CNTN2: variants seen among roughly 807,000 people sequenced by gnomAD.
CNTN2 encodes contactin 2.
CNTN2 carries 53 observed loss-of-function variants against 117.5 expected under a neutral mutation model. That is an observed-to-expected ratio of 0.45 (90% CI 0.36 to 0.57). The LOEUF is 0.57. CNTN2 is among the 20% of genes least tolerant of loss of function. The pLI is 0.00. For missense variants in CNTN2, 1,106 were observed against 1,404.3 expected, an observed-to-expected ratio of 0.79 and a Z score of 3.39; for synonymous variants, 530 against 561.7, an observed-to-expected ratio of 0.94 and a Z score of 0.80.
chr1:205,057,593 A>T, intron 2 of CNTN2: 1 of 200,908 alleles, frequency 5.0e-6, no homozygotes, highest in Non-Finnish European at 9.9e-6. Context: ...TCTCTAGCCC[A>T]GTGCTGGGTA....
chr1:205,066,338 C>T lies in CNTN2; in HGVS notation c.1817-103C>T. On this transcript the variant is annotated intron_variant, in intron 14 of 22. Coordinates refer to ENST00000331830, the MANE Select transcript of CNTN2 (RefSeq NM_005076.5). ...TGTGTGTTCACTGCATCCTCTGCTG[C>T]CCTGTCTTGGTACTGTACCAGCTCA... 4 of 1,388,004 alleles carry T rather than the reference C, an allele frequency of 2.9e-6. No individual in the cohort carries two copies. The Admixed American group carries it at 6.0e-5, about 21-fold the overall frequency. 86.0% of individuals were successfully genotyped at this position (1,388,004 alleles called of 1,614,324 possible).
At chr1:205,046,562 G>A (rs1360157218) in intron 1 of CNTN2, among the ~76,000 whole-genome samples, 1 of 152,182 alleles carries the variant, frequency 6.6e-6, no homozygotes, top group Non-Finnish European at 1.5e-5. Context: ...ACTAGCTTGA[G>A]AGGAGGAGCA....
chr1:205,061,059 C>CGG lies in CNTN2; in HGVS notation c.798-186_798-185insGG. 1 of 621,886 alleles carries CGG rather than the reference C, an allele frequency of 1.6e-6. No individual in the cohort carries two copies. Among genetic ancestry groups the CGG allele is most frequent in the Non-Finnish European group, 2.7e-6 (1 of 366,822 alleles). 38.5% of individuals were successfully genotyped at this position (621,886 alleles called of 1,614,324 possible). Reference sequence around the variant, plus strand: ...AGCAGCCCTGCCTCTTGCCCCTTCCCTGCGTGTGCTCCGAGCCTACCTGGG... The same window carrying CGG: ...AGCAGCCCTGCCTCTTGCCCCTTCCCGGTGCGTGTGCTCCGAGCCTACCTGGG... On this transcript the variant is annotated intron_variant, in intron 7 of 22. Coordinates refer to ENST00000331830, the MANE Select transcript of CNTN2 (RefSeq NM_005076.5). The surrounding 1 kb of genome is among the most constrained non-coding windows in gnomAD (Gnocchi z 4.8).
chr1:205,062,534 G>C lies in CNTN2; in HGVS notation c.1205G>C (p.Gly402Ala), dbSNP rs1268010229. ...CAGTGTGTGGCAGAGAATAAGCACG[G>C]TACCATCTACGCCAGCGCCGAGCTA... Reference protein sequence around the residue: ...MYQCVAENKHGTIYASAELAV... With the variant: ...MYQCVAENKHATIYASAELAV... Residue 402 changes from glycine (G) to alanine (A), a missense_variant, in exon 10 of 23, where the codon GGT becomes GCT. Gly to Ala is a moderately conservative substitution (Grantham distance 60). Coordinates refer to ENST00000331830, the MANE Select transcript of CNTN2 (RefSeq NM_005076.5). 1 of 1,613,912 alleles carries C rather than the reference G, an allele frequency of 6.2e-7. No homozygotes were observed. Among genetic ancestry groups the C allele is most frequent in the African/African-American group, 1.3e-5 (1 of 74,914 alleles).
chr1:205,065,669 G>A lies in CNTN2; in HGVS notation c.1696-120G>A. On this transcript the variant is annotated intron_variant, in intron 13 of 22. Transcript: ENST00000331830. This position sits in a 1 kb window ranked among gnomAD's most constrained non-coding sequence, Gnocchi z 4.1. Reference sequence around the variant, plus strand: ...GAGCAGACAGGAAAACTGAGATCCAGTGGGGTCCATGGATGTCATGGAGTA... The same window carrying A: ...GAGCAGACAGGAAAACTGAGATCCAATGGGGTCCATGGATGTCATGGAGTA... 2 of 1,153,508 alleles carry A rather than the reference G, an allele frequency of 1.7e-6. No individual in the cohort carries two copies. The highest frequency in any genetic ancestry group is 1.4e-5 in the South Asian group (1 of 73,624). The allele number at this position is 1,153,508 out of a possible 1,614,324, so 71.5% of individuals were successfully genotyped here. A position where few individuals can be genotyped will look rare whatever the true frequency, so the allele number is the denominator to read the frequency against.
chr1:205,074,398 G>C lies in CNTN2; in HGVS notation c.*633G>C. ...CCTGAGCCCCTTCAGCTTTGAGGGGGGTGATACTCCAGGCTGTTTGGGGTG... is the reference window on the plus strand; with the variant it reads ...CCTGAGCCCCTTCAGCTTTGAGGGGCGTGATACTCCAGGCTGTTTGGGGTG... On this transcript the variant is annotated 3_prime_UTR_variant, in exon 23 of 23. Coordinates refer to ENST00000331830, the MANE Select transcript of CNTN2 (RefSeq NM_005076.5). 2.5e-6 allele frequency: 1 copy of C among 400,020 alleles called. No individual in the cohort carries two copies. The highest frequency in any genetic ancestry group is 4.4e-6 in the Non-Finnish European group (1 of 226,818). The allele number at this position is 400,020 out of a possible 1,614,324, so 24.8% of individuals were successfully genotyped here.
chr1:205,045,174 G>A (rs1213220377), intron 1 of CNTN2, among the ~76,000 whole-genome samples: 1 of 152,098 alleles, frequency 6.6e-6, no homozygotes, highest in Non-Finnish European at 1.5e-5. Flanking sequence ...CAGACTCCAG[G>A]AGTCTGCTCT....
In CNTN2 at chr1:205,065,839, G is replaced by C. The variant is rs756116629; in HGVS notation, c.1746G>C (p.Gly582=). 7.5e-6 allele frequency: 12 copies of C among 1,602,964 alleles called. No individual in the cohort carries two copies. In the Admixed American group the frequency reaches 1.9e-4, roughly 25 times the overall value. ...LTILNAQLRH[G]GKYTCMAQTV... ...TCCTGAACGCCCAGCTGCGCCATGG[G>C]GGGAAGTACACGTGCATGGCCCAGA... is the stretch of plus-strand genomic sequence containing the variant. Residue 582 remains glycine (G), a synonymous_variant, in exon 14 of 23, where the codon GGG becomes GGC. Transcript: ENST00000331830. The surrounding 1 kb of genome is among the most constrained non-coding windows in gnomAD (Gnocchi z 4.1).
In CNTN2 at chr1:205,052,827, A is replaced by G. The variant is rs556048044; in HGVS notation, c.-86-273A>G. On this transcript the variant is annotated intron_variant, in intron 1 of 22. Transcript: ENST00000331830. ...TACCTCCCAATTAATCACTGCTTTCACTTCCTAAGCGGCACCCCACTGGCT... is the reference window on the plus strand; with the variant it reads ...TACCTCCCAATTAATCACTGCTTTCGCTTCCTAAGCGGCACCCCACTGGCT... 7.9e-5 allele frequency among the ~76,000 whole-genome samples: 12 copies of G among 151,568 alleles called. No individual in the cohort carries two copies. In the East Asian group the frequency reaches 2.3e-3, roughly 29 times the overall value.
In CNTN2 at chr1:205,057,904, G is replaced by A; in HGVS notation, c.71-17G>A. 2 of 1,610,922 alleles carry A rather than the reference G, an allele frequency of 1.2e-6. No individual in the cohort carries two copies. Among genetic ancestry groups the A allele is most frequent in the Non-Finnish European group, 1.7e-6 (2 of 1,177,656 alleles). On this transcript the variant is annotated splice_polypyrimidine_tract_variant and intron_variant, in intron 2 of 22. Transcript: ENST00000331830. ...AGGCCAAGGCTCTGAGGCATCTGGT[G>A]GTGTCATCACCTGCAGCTTGGAGTT...
chr1:205,062,010 C>T lies in CNTN2; in HGVS notation c.1110+9C>T, dbSNP rs1303787318. ...AGCCTCTGGCCTCCCAGGTAGGAGA[C>T]ATGGGGCTTCCCCCGACACATCACA... On this transcript the variant is annotated intron_variant, in intron 9 of 22. Transcript: ENST00000331830. 1.2e-6 allele frequency: 2 copies of T among 1,612,526 alleles called. No individual in the cohort carries two copies. The highest frequency in any genetic ancestry group is 1.7e-4 in the Middle Eastern group (1 of 6,058).
chr1:205,062,040 T>C (rs1210394352), intron 9 of CNTN2, 39 bp downstream of exon 9: 1 of 1,604,182 alleles, frequency 6.2e-7, no homozygotes, highest in Non-Finnish European at 8.5e-7. Flanking sequence ...ATCACAACTG[T>C]CCTCTGCTCA....
chr1:205,069,817 T>TG lies in CNTN2; in HGVS notation c.2197-9dup, dbSNP rs1242186901. 6.2e-7 allele frequency: 1 copy of TG among 1,610,524 alleles called. No individual in the cohort carries two copies. The highest frequency in any genetic ancestry group is 1.3e-5 in the African/African-American group (1 of 74,876). Reference sequence around the variant, plus strand: ...CGGACCCTCGCCCATGCCATGCTCTTGCCCCTCAGCCCATGTCACGGGAGT... The same window carrying TG: ...CGGACCCTCGCCCATGCCATGCTCTTGGCCCCTCAGCCCATGTCACGGGAGT... On this transcript the variant is annotated splice_polypyrimidine_tract_variant and intron_variant, in intron 17 of 22. Transcript: ENST00000331830.
At chr1:205,045,261 T>C (rs925666611) in intron 1 of CNTN2, among the ~76,000 whole-genome samples, 6 of 152,134 alleles carry the variant, frequency 3.9e-5, no homozygotes, top group Non-Finnish European at 4.4e-5. Context: ...TCTCATCGCG[T>C]GTACTCCACC....
At chr1:205,049,211 G>A (rs777851140) in intron 1 of CNTN2, among the ~76,000 whole-genome samples, 18 of 151,106 alleles carry the variant, frequency 1.2e-4, no homozygotes, top group Non-Finnish European at 1.9e-4. Flanking sequence ...AGGTGGAGGC[G>A]AAGGATCTAT....
At position 205,048,981 on chromosome 1, in the gene CNTN2, C is replaced by A. The variant is rs2096447205; in HGVS notation, c.-86-4119C>A. 6.7e-6 allele frequency among the ~76,000 whole-genome samples: 1 copy of A among 149,066 alleles called. No individual in the cohort carries two copies. Among genetic ancestry groups the A allele is most frequent in the African/African-American group, 2.5e-5 (1 of 40,292 alleles). Reference sequence around the variant, plus strand: ...TGTGTTCACCCAAGGCTGTGGCACACAATGGAGCTCAATATACATCTGATC... The same window carrying A: ...TGTGTTCACCCAAGGCTGTGGCACAAAATGGAGCTCAATATACATCTGATC... On this transcript the variant is annotated intron_variant, in intron 1 of 22. Transcript: ENST00000331830. This position sits in a 1 kb window ranked among gnomAD's most constrained non-coding sequence, Gnocchi z 4.1.
At chr1:205,047,556 G>A (rs2096443769) in intron 1 of CNTN2, among the ~76,000 whole-genome samples, 1 of 152,134 alleles carries the variant, frequency 6.6e-6, no homozygotes, top group African/African-American at 2.4e-5. Flanking sequence ...CATTGTACCA[G>A]GTATAACTCT....
upstream of CNTN2, chr1:205,043,151 G>C (rs940605485): frequency 6.6e-6 from 1 of 152,306 alleles, no homozygotes; most frequent in Non-Finnish European, 1.5e-5. Context: ...AGTGAGCGGA[G>C]CCTGGGAGAG....
intron 7 of CNTN2, chr1:205,060,004 A>T (rs1278563790): frequency 3.1e-6 from 1 of 319,392 alleles, no homozygotes; most frequent in Admixed American, 4.5e-5. Flanking sequence ...TCTCATTCAG[A>T]TCCCAGCTCT....
Sources: gnomAD v4.1 joint callset for allele counts (sites outside exome capture counted in the v4.1 genomes callset) on GRCh38, gnomAD v4.1.1 for gene constraint, Gnocchi (gnomAD v3.1) non-coding constraint, MANE v1.5 for transcripts, NCBI Gene and HGNC (gene_info 2026-07-23, HGNC 2026-07-21) for gene names.